The following GALNT3 variants were observed in gnomAD, a reference collection of about 807,000 sequenced individuals.
GALNT3 encodes GalNAc transferase 3.
In GALNT3, 51 loss-of-function variants were observed where a neutral mutation model predicts 69.8. The ratio of observed to expected loss-of-function variants is 0.73; its 90% CI spans 0.58 to 0.92. GALNT3 has a LOEUF of 0.92. Among genes scored for constraint, GALNT3 ranks in the 40% least tolerant of loss-of-function variants. GALNT3 has a pLI of 0.00. For missense variants in GALNT3, 711 were observed against 760.0 expected, an observed-to-expected ratio of 0.94 and a Z score of 0.76; for synonymous variants, 265 against 248.5, an observed-to-expected ratio of 1.07 and a Z score of -0.63.
Position 165,748,172 on chromosome 2 carries a change from T to C in GALNT3, c.*609A>G, listed in dbSNP as rs912851484. The C allele has an allele frequency of 2.1e-5, 4 of 191,096 alleles. No individual in the cohort carries two copies. The highest frequency in any genetic ancestry group is 3.9e-4 in the South Asian group (2 of 5,176). 11.8% of individuals were successfully genotyped at this position (191,096 alleles called of 1,614,324 possible). A position where few individuals can be genotyped will look rare whatever the true frequency, so the allele number is the denominator to read the frequency against. On this transcript the variant is annotated 3_prime_UTR_variant, in exon 11 of 11. Transcript: ENST00000392701. ...GAGTGTATTACAGACTAAAAAATGTTTTAAAATTTGCCAAGAAATTTAAGT... is the reference window on the plus strand; with the variant it reads ...GAGTGTATTACAGACTAAAAAATGTCTTAAAATTTGCCAAGAAATTTAAGT...
chr2:165,770,889 T>C (rs1212182051), intron 1 of GALNT3, 81 bp from the exon 2 acceptor site: 5 of 549,856 alleles, frequency 9.1e-6, no homozygotes, highest in Non-Finnish European at 1.6e-5. Flanking sequence ...AACCAACAAC[T>C]GAACATAAGC....
At chr2:165,752,312 C>T (rs1688369435) in intron 9 of GALNT3, among the ~76,000 whole-genome samples, 1 of 152,140 alleles carries the variant, frequency 6.6e-6, no homozygotes, top group South Asian at 2.1e-4. Context: ...GGTCTTCCCT[C>T]ACCTCTTAAA....
intron 1 of GALNT3, among the ~76,000 whole-genome samples, chr2:165,783,709 G>A (rs1683162010): frequency 6.6e-6 from 1 of 152,078 alleles, no homozygotes; most frequent in Non-Finnish European, 1.5e-5. Flanking sequence ...TTCAAAAACA[G>A]GTAGTGGATC....
Position 165,749,912 on chromosome 2 carries a change from C to T in GALNT3, c.1627-18G>A, listed in dbSNP as rs534078627. 1.9e-6 allele frequency: 3 copies of T among 1,612,890 alleles called. No individual in the cohort carries two copies. Among genetic ancestry groups the T allele is most frequent in the African/African-American group, 1.3e-5 (1 of 74,954 alleles). On this transcript the variant is annotated intron_variant, in intron 9 of 10. Coordinates refer to ENST00000392701, the MANE Select transcript of GALNT3 (RefSeq NM_004482.4). ...TCAAAGTACTATGGAAGGAATAGCA[C>T]TGTTACTGACAAAAGCAACCCATGT... is the stretch of plus-strand genomic sequence containing the variant.
Position 165,759,609 on chromosome 2 carries a change from T to C in GALNT3, c.839-39A>G, listed in dbSNP as rs370191364. On this transcript the variant is annotated intron_variant, in intron 4 of 10. Transcript: ENST00000392701. ...AATTTTAATTAATTCAATAAAAACA[T>C]TGAAGTTTTTTTCTTTAGTTATTTA... 3.0e-4 allele frequency: 438 copies of C among 1,481,518 alleles called. 1 individual carries two copies. The South Asian group carries it at 3.2e-3, about 11-fold the overall frequency. The allele number at this position is 1,481,518 out of a possible 1,614,324, so 91.8% of individuals were successfully genotyped here.
chr2:165,786,680 C>G (rs1035610740), intron 1 of GALNT3, among the ~76,000 whole-genome samples: 3 of 152,124 alleles, frequency 2.0e-5, no homozygotes, highest in Non-Finnish European at 2.9e-5. Flanking sequence ...GGACACAGAA[C>G]TCATGGAAAC....
intron 1 of GALNT3, among the ~76,000 whole-genome samples, chr2:165,784,037 G>A (rs1683168957): frequency 6.6e-6 from 1 of 152,114 alleles, no homozygotes; most frequent in South Asian, 2.1e-4. Flanking sequence ...CTCCTTTAAT[G>A]TAAAATTTGG....
chr2:165,785,175 C>T lies in GALNT3; in HGVS notation c.-109+8840G>A, dbSNP rs572753148. Among the ~76,000 whole-genome samples, 26 of 152,112 alleles carry T rather than the reference C, an allele frequency of 1.7e-4. No homozygotes were observed. In the East Asian group the frequency reaches 4.4e-3, roughly 26 times the overall value. On this transcript the variant is annotated intron_variant, in intron 1 of 10. Transcript: ENST00000392701. ...GCACATTAAAGCATTGTTCTAATATCAAAGGGTTGAAACAACCGAGAACTC... is the reference window on the plus strand; with the variant it reads ...GCACATTAAAGCATTGTTCTAATATTAAAGGGTTGAAACAACCGAGAACTC...
intron 9 of GALNT3, among the ~76,000 whole-genome samples, chr2:165,752,785 C>G (rs1688377386): frequency 1.3e-5 from 2 of 152,066 alleles, no homozygotes; most frequent in Non-Finnish European, 2.9e-5. Context: ...TGCTCAAAAT[C>G]TTAATTTTTA....
intron 1 of GALNT3, among the ~76,000 whole-genome samples, chr2:165,773,262 T>A (rs192474751): frequency 1.8e-4 from 27 of 152,334 alleles, no homozygotes; most frequent in Non-Finnish European, 3.7e-4. Flanking sequence ...TGGATAAGTC[T>A]CACGAGACCT....
chr2:165,774,906 TCTC>T (rs1245870100), intron 1 of GALNT3, among the ~76,000 whole-genome samples: 3 of 131,330 alleles, frequency 2.3e-5, no homozygotes. Flanking sequence ...CTTCTTCTTC[TCTC>T]TTTTTTTTTT....
At chr2:165,792,671 A>T (rs1332445649) in intron 1 of GALNT3, among the ~76,000 whole-genome samples, 1 of 152,220 alleles carries the variant, frequency 6.6e-6, no homozygotes, top group East Asian at 1.9e-4. Flanking sequence ...TGTTATTATT[A>T]TCAGAAACTT....
intron 7 of GALNT3, among the ~76,000 whole-genome samples, chr2:165,756,797 A>G (rs1397738864): frequency 6.6e-6 from 1 of 152,198 alleles, no homozygotes; most frequent in Admixed American, 6.6e-5. Flanking sequence ...AAAATATTGA[A>G]CCAGGGCAGC....
intron 1 of GALNT3, among the ~76,000 whole-genome samples, chr2:165,775,010 CT>C (rs369928692): frequency 1.3e-5 from 2 of 150,764 alleles, no homozygotes; most frequent in African/African-American, 4.9e-5. Context: ...CTGTCTCAGC[CT>C]CCCAACGTGC....
chr2:165,788,508 T>C (rs1395687748), intron 1 of GALNT3, among the ~76,000 whole-genome samples: 1 of 149,804 alleles, frequency 6.7e-6, no homozygotes, highest in African/African-American at 2.5e-5. Flanking sequence ...TGTGTGTGTA[T>C]ACAGACAAGA....
At chr2:165,775,929 A>C (rs1444398888) in intron 1 of GALNT3, among the ~76,000 whole-genome samples, 1 of 152,210 alleles carries the variant, frequency 6.6e-6, no homozygotes, top group Admixed American at 6.5e-5. Context: ...TCTTGATGTA[A>C]ATGAATAGAA....
At chr2:165,785,514 C>T (rs757488808) in intron 1 of GALNT3, among the ~76,000 whole-genome samples, 1 of 152,096 alleles carries the variant, frequency 6.6e-6, no homozygotes, top group Non-Finnish European at 1.5e-5. Flanking sequence ...AGTTCACAAA[C>T]AACTGCAACT....
intron 4 of GALNT3, among the ~76,000 whole-genome samples, chr2:165,760,359 G>A (rs951081671): frequency 6.6e-6 from 1 of 152,158 alleles, no homozygotes; most frequent in Non-Finnish European, 1.5e-5. Context: ...GGAGTTTCAT[G>A]TCATGATAGG....
intron 9 of GALNT3, among the ~76,000 whole-genome samples, chr2:165,751,767 T>C (rs550353687): frequency 1.3e-5 from 2 of 152,236 alleles, no homozygotes; most frequent in East Asian, 1.9e-4. Context: ...TTATTTGGCA[T>C]ACATGAAGTT....
Sources: gnomAD v4.1 joint callset for allele counts (sites outside exome capture counted in the v4.1 genomes callset) on GRCh38, gnomAD v4.1.1 for gene constraint, MANE v1.5 for transcripts, NCBI Gene and HGNC (gene_info 2026-07-23, HGNC 2026-07-21) for gene names.